STXBP5L: variants seen among roughly 807,000 people sequenced by gnomAD.
The protein encoded by STXBP5L is syntaxin-binding protein 5-like.
In STXBP5L, 65 loss-of-function variants were observed where a neutral mutation model predicts 144.5. The observed-to-expected ratio is 0.45, with a 90% CI of 0.37 to 0.55. The LOEUF is 0.55. STXBP5L is among the 20% of genes least tolerant of loss of function. The pLI is 0.00. For synonymous variants in STXBP5L, 505 were observed against 469.6 expected (o/e 1.08, Z -0.97); for missense variants, 1,298 against 1,405.5 (o/e 0.92, Z 1.22).
At chr3:121,048,776 C>T (rs1382577701) in intron 5 of STXBP5L, among the ~76,000 whole-genome samples, 2 of 151,710 alleles carry the variant, frequency 1.3e-5, no homozygotes, top group South Asian at 4.2e-4. Flanking sequence ...ACCTCCGCCT[C>T]CCTGGTTTGA....
At chr3:121,303,314 A>G (rs1348463674) in intron 19 of STXBP5L, among the ~76,000 whole-genome samples, 1 of 152,204 alleles carries the variant, frequency 6.6e-6, no homozygotes, top group Non-Finnish European at 1.5e-5. Context: ...AATGCAAATC[A>G]AAACCACAAT....
chr3:120,998,253 A>T (rs1379619973), intron 3 of STXBP5L, among the ~76,000 whole-genome samples: 1 of 152,168 alleles, frequency 6.6e-6, no homozygotes, highest in Non-Finnish European at 1.5e-5. Flanking sequence ...GAAGAGAAAG[A>T]AGTAAAGTCC....
At position 121,279,987 on chromosome 3, in the gene STXBP5L, T is replaced by C. The variant is rs775588458; in HGVS notation, c.2110+31T>C. 15 of 1,604,508 alleles carry C rather than the reference T, an allele frequency of 9.3e-6. No individual in the cohort carries two copies. In the African/African-American group the frequency reaches 1.6e-4, roughly 17 times the overall value. ...AGATAAAACAAGATGAGTTATGAAC[T>C]TGATTTGGTCATCTGTGTTCTTATT... On this transcript the variant is annotated intron_variant, in intron 19 of 26. Transcript: ENST00000471454.
chr3:121,232,865 G>T (rs1302570356), intron 11 of STXBP5L, among the ~76,000 whole-genome samples: 2 of 152,114 alleles, frequency 1.3e-5, no homozygotes, highest in Non-Finnish European at 2.9e-5. Context: ...GATGCCAGGA[G>T]GTATGCTCTG....
chr3:121,365,701 G>A (rs988941771), intron 20 of STXBP5L, among the ~76,000 whole-genome samples: 3 of 150,108 alleles, frequency 2.0e-5, no homozygotes, highest in Admixed American at 2.0e-4. Flanking sequence ...TATCAATTTT[G>A]TTGATTTTCT....
chr3:121,095,119 G>C (rs1200328943), intron 5 of STXBP5L, among the ~76,000 whole-genome samples: 1 of 152,174 alleles, frequency 6.6e-6, no homozygotes, highest in Non-Finnish European at 1.5e-5. Context: ...TTGGCCCCCA[G>C]TGTCTTCTGG....
chr3:120,973,325 T>C (rs1940500873), intron 3 of STXBP5L, among the ~76,000 whole-genome samples: 1 of 152,216 alleles, frequency 6.6e-6, no homozygotes, highest in Admixed American at 6.5e-5. Flanking sequence ...AAGAGTTTAT[T>C]CACTTCCTCT....
intron 2 of STXBP5L, among the ~76,000 whole-genome samples, chr3:120,933,254 G>A (rs1710062152): frequency 6.6e-6 from 1 of 152,088 alleles, no homozygotes; most frequent in Admixed American, 6.6e-5. Flanking sequence ...GCTCTGTTGT[G>A]TATGAATTAG....
intron 5 of STXBP5L, among the ~76,000 whole-genome samples, chr3:121,063,177 T>G (rs910713076): frequency 6.6e-6 from 1 of 152,214 alleles, no homozygotes; most frequent in African/African-American, 2.4e-5. Flanking sequence ...GTTGGTAACC[T>G]TCGGATGGGG....
intron 5 of STXBP5L, among the ~76,000 whole-genome samples, chr3:121,110,000 A>C (rs1020174827): frequency 9.9e-5 from 15 of 152,092 alleles, no homozygotes; most frequent in Admixed American, 1.3e-4. Flanking sequence ...GTTGGTTTAA[A>C]GTCTGTCTTG....
At chr3:121,029,636 C>T (rs1476766636) in intron 3 of STXBP5L, among the ~76,000 whole-genome samples, 1 of 152,070 alleles carries the variant, frequency 6.6e-6, no homozygotes, top group African/African-American at 2.4e-5. Context: ...GTCTTCGTGA[C>T]TAGAATACCA....
At chr3:121,018,659 G>A (rs1366307961) in intron 3 of STXBP5L, among the ~76,000 whole-genome samples, 1 of 152,026 alleles carries the variant, frequency 6.6e-6, no homozygotes, top group Non-Finnish European at 1.5e-5. Context: ...AAACCTAGGT[G>A]ATGTGGCTTT....
intron 5 of STXBP5L, among the ~76,000 whole-genome samples, chr3:121,112,139 G>C (rs1025028933): frequency 2.0e-5 from 3 of 151,892 alleles, no homozygotes; most frequent in African/African-American, 7.3e-5. Flanking sequence ...CTCCCCCCAG[G>C]ACTCAGTCAT....
chr3:121,255,502 C>T (rs1294337127), intron 16 of STXBP5L, among the ~76,000 whole-genome samples: 1 of 151,714 alleles, frequency 6.6e-6, no homozygotes, highest in African/African-American at 2.4e-5. Flanking sequence ...GGAATATACA[C>T]CTATATATTC....
chr3:121,090,933 C>T (rs1187330394), intron 5 of STXBP5L, among the ~76,000 whole-genome samples: 1 of 121,692 alleles, frequency 8.2e-6, no homozygotes, highest in Non-Finnish European at 1.7e-5. Flanking sequence ...CCCCCCTCCC[C>T]CCACCCCACA....
intron 3 of STXBP5L, among the ~76,000 whole-genome samples, chr3:121,016,558 G>A (rs1945160381): frequency 6.6e-6 from 1 of 152,174 alleles, no homozygotes; most frequent in Admixed American, 6.5e-5. Context: ...AAATGGAAAT[G>A]TAAAGAAGGA....
intron 20 of STXBP5L, among the ~76,000 whole-genome samples, chr3:121,351,217 A>C (rs2045267121): frequency 1.3e-5 from 2 of 152,242 alleles, no homozygotes; most frequent in Middle Eastern, 3.4e-3. Context: ...AGTTTGCCTG[A>C]GTTCCACTCC....
At chr3:120,950,842 G>A (rs992650530) in intron 2 of STXBP5L, among the ~76,000 whole-genome samples, 15 of 151,924 alleles carry the variant, frequency 9.9e-5, no homozygotes, top group Admixed American at 6.6e-4. Flanking sequence ...AGCCAGCATC[G>A]CCAAGTCAAC....
At chr3:120,983,547 C>G (rs183309865) in intron 3 of STXBP5L, among the ~76,000 whole-genome samples, 1 of 152,252 alleles carries the variant, frequency 6.6e-6, no homozygotes, top group East Asian at 1.9e-4. Context: ...TACAGCTGCT[C>G]AGGGCTCAAA....
Sources: gnomAD v4.1 joint callset for allele counts (sites outside exome capture counted in the v4.1 genomes callset) on GRCh38, gnomAD v4.1.1 for gene constraint, MANE v1.5 for transcripts, NCBI Gene and HGNC (gene_info 2026-07-23, HGNC 2026-07-21) for gene names.